The following COPS8 variants were observed in gnomAD, a reference collection of about 807,000 sequenced individuals.
COPS8 encodes COP9 signalosome subunit 8.
COPS8 carries 11 observed loss-of-function variants against 31.5 expected under a neutral mutation model. The observed-to-expected ratio is 0.35, with a 90% confidence interval of 0.22 to 0.58. The LOEUF is 0.58. COPS8 is among the 20% of genes least tolerant of loss of function. The pLI, the probability that COPS8 is intolerant of heterozygous loss-of-function variation, is 0.83. For missense variants in COPS8, 215 were observed against 255.1 expected, an observed-to-expected ratio of 0.84 and a Z score of 1.07; for synonymous variants, 81 against 89.3, an observed-to-expected ratio of 0.91 and a Z score of 0.52.
intron 2 of COPS8, 72 bp downstream of exon 2, chr2:237,087,269 G>A (rs567538843): frequency 3.7e-6 from 4 of 1,067,380 alleles, no homozygotes; most frequent in Admixed American, 2.2e-5. Flanking sequence ...CTGCACTGAA[G>A]TAGCACCACT....
intron 3 of COPS8, among the ~76,000 whole-genome samples, chr2:237,089,370 A>T (rs987465581): frequency 1.3e-5 from 2 of 152,196 alleles, no homozygotes; most frequent in Non-Finnish European, 2.9e-5. Flanking sequence ...ATAAAGAAGT[A>T]CTATAAATCA....
chr2:237,088,666 TA>T lies in COPS8; in HGVS notation c.198+16del. 1.3e-6 allele frequency: 2 copies of T among 1,546,122 alleles called. No individual in the cohort carries two copies. Among genetic ancestry groups the T allele is most frequent in the Non-Finnish European group, 1.8e-6 (2 of 1,127,728 alleles). ...TGCTATAAAATCTGTAAGTATCCTT[TA>T]AACCTATTTTACTGCTTTAATGTAA... On this transcript the variant is annotated intron_variant, in intron 3 of 7. Coordinates refer to ENST00000354371, the MANE Select transcript of COPS8 (RefSeq NM_006710.5).
At chr2:237,086,647 A>G (rs1329328913) in intron 1 of COPS8, 1 of 201,980 alleles carries the variant, frequency 5.0e-6, no homozygotes, top group Non-Finnish European at 8.9e-6. Context: ...GCTCACTAAT[A>G]GATAATAGAT....
intron 7 of COPS8, 148 bp downstream of exon 7, chr2:237,097,017 C>T: frequency 4.5e-6 from 3 of 661,254 alleles, no homozygotes; most frequent in Non-Finnish European, 7.6e-6. Context: ...AGTAATACAT[C>T]TGGTTACAAG....
chr2:237,095,374 T>C (rs1356865639), intron 5 of COPS8, among the ~76,000 whole-genome samples: 1 of 152,132 alleles, frequency 6.6e-6, no homozygotes, highest in Non-Finnish European at 1.5e-5. Flanking sequence ...CTTCATAGAG[T>C]TGTGGTGATT....
intron 4 of COPS8, 84 bp downstream of exon 4, chr2:237,090,078 G>A: frequency 7.6e-7 from 1 of 1,309,536 alleles, no homozygotes; most frequent in South Asian, 1.6e-5. Context: ...AATCAGTGGT[G>A]TGTGTTTAAG....
Position 237,099,761 on chromosome 2 carries a change from A to G in COPS8, c.*2019A>G, listed in dbSNP as rs975802217. 1 of 152,204 alleles carries G rather than the reference A, an allele frequency of 6.6e-6. No homozygotes were observed. The highest frequency in any genetic ancestry group is 2.4e-5 in the African/African-American group (1 of 41,458). 9.4% of individuals were successfully genotyped at this position (152,204 alleles called of 1,614,324 possible). ...TTAAAAGGAATCAGAACTTATTTGCAAAACAGCTAATAGTTCCAGGGCAGT... is the reference window on the plus strand; with the variant it reads ...TTAAAAGGAATCAGAACTTATTTGCGAAACAGCTAATAGTTCCAGGGCAGT... On this transcript the variant is annotated 3_prime_UTR_variant, in exon 8 of 8. Transcript: ENST00000354371.
intron 5 of COPS8, 64 bp downstream of exon 5, chr2:237,094,261 A>G (rs747858218): frequency 7.5e-6 from 11 of 1,458,880 alleles, no homozygotes; most frequent in Non-Finnish European, 1.0e-5. Context: ...TTGTAGGTTC[A>G]CAGTCTCCTC....
intron 6 of COPS8, among the ~76,000 whole-genome samples, chr2:237,096,164 A>G (rs1287758932): frequency 4.6e-5 from 7 of 152,094 alleles, no homozygotes; most frequent in African/African-American, 9.6e-5. Flanking sequence ...TTATGGAGCC[A>G]TTTGTAACTG....
chr2:237,088,307 C>T (rs1270558531), intron 2 of COPS8, among the ~76,000 whole-genome samples: 1 of 152,028 alleles, frequency 6.6e-6, no homozygotes, highest in Admixed American at 6.5e-5. Flanking sequence ...ATAATTTGGG[C>T]CGTCTATAAA....
In COPS8 at chr2:237,088,456, C is replaced by G. The variant is rs191687553; in HGVS notation, c.150-149C>G. On this transcript the variant is annotated intron_variant, in intron 2 of 7. Transcript: ENST00000354371. ...TATCTGGAAAACCACTATTGTTTCCCCAAAACAAATTCATATAAAACTAAA... is the reference window on the plus strand; with the variant it reads ...TATCTGGAAAACCACTATTGTTTCCGCAAAACAAATTCATATAAAACTAAA... The G allele has an allele frequency of 2.6e-3, 1,167 of 454,274 alleles. 1 individual carries two copies. The highest frequency in any genetic ancestry group is 3.4e-3 in the Non-Finnish European group (868 of 255,648). The allele number at this position is 454,274 out of a possible 1,614,324, so 28.1% of individuals were successfully genotyped here.
chr2:237,089,263 A>G (rs1696667614), intron 3 of COPS8, among the ~76,000 whole-genome samples: 2 of 152,216 alleles, frequency 1.3e-5, no homozygotes, highest in African/African-American at 4.8e-5. Flanking sequence ...ATTGATATTC[A>G]TCAAGAGATC....
intron 4 of COPS8, among the ~76,000 whole-genome samples, chr2:237,090,242 G>A (rs1007988709): frequency 1.3e-4 from 20 of 151,938 alleles, no homozygotes; most frequent in African/African-American, 4.4e-4. Flanking sequence ...AGTTTTAAGA[G>A]TTTTTTTTGC....
At position 237,096,982 on chromosome 2, in the gene COPS8, C is replaced by G. The variant is rs115382687; in HGVS notation, c.550+113C>G. ...GTGTATCTATTTCTTACCTTGTAAA[C>G]AGAGGTTAAATTTCATAAATGCGTA... On this transcript the variant is annotated intron_variant, in intron 7 of 7. Transcript: ENST00000354371. The G allele has an allele frequency of 1.7e-3, 1,322 of 761,570 alleles. 9 individuals carry two copies. Among genetic ancestry groups the G allele is most frequent in the African/African-American group, 0.015 (863 of 55,712 alleles). 47.2% of individuals were successfully genotyped at this position (761,570 alleles called of 1,614,324 possible).
In COPS8 at chr2:237,098,883, T is replaced by C. The variant is rs1008627879; in HGVS notation, c.*1141T>C. Reference sequence around the variant, plus strand: ...GGCTATTTCAGTTTTTCTTAACATATATGGGAATACTTTTTGAATTGCAAT... The same window carrying C: ...GGCTATTTCAGTTTTTCTTAACATACATGGGAATACTTTTTGAATTGCAAT... On this transcript the variant is annotated 3_prime_UTR_variant, in exon 8 of 8. Transcript: ENST00000354371. 6.6e-6 allele frequency: 1 copy of C among 152,206 alleles called. No homozygotes were observed. The highest frequency in any genetic ancestry group is 1.5e-5 in the Non-Finnish European group (1 of 68,026). The allele number at this position is 152,206 out of a possible 1,614,324, so 9.4% of individuals were successfully genotyped here.
At chr2:237,094,001 T>A in intron 4 of COPS8, 89 bp from the exon 5 acceptor site, 1 of 1,520,710 alleles carries the variant, frequency 6.6e-7, no homozygotes, top group Admixed American at 2.1e-5. Flanking sequence ...TTATGAAAAC[T>A]AGACAAGGAC....
intron 2 of COPS8, among the ~76,000 whole-genome samples, chr2:237,087,790 G>A (rs1137555): frequency 0.091 from 13,793 of 151,996 alleles, 927 homozygotes; most frequent in African/African-American, 0.19. Flanking sequence ...AAATTAGCTG[G>A]GCATGGTTGC....
rs1286979398 is a variant in COPS8 at position 237,085,986 on chromosome 2, G to A, written c.22G>A (p.Glu8Lys). The stretch of plus-strand genomic sequence containing the variant: ...GAAGATGCCAGTGGCGGTGATGGCG[G>A]AAAGCGCCTTTAGTTTCAAAAAGTT... MPVAVMA[E>K]SAFSFKKLLD... The change falls in exon 1 of 8, where the codon GAA (glutamate) becomes AAA (lysine). Residue 8 changes from glutamate (E) to lysine (K), a missense_variant. Glu to Lys is a moderately conservative substitution (Grantham distance 56). Transcript: ENST00000354371. 2 of 1,612,762 alleles carry A rather than the reference G, an allele frequency of 1.2e-6. No individual in the cohort carries two copies. Among genetic ancestry groups the A allele is most frequent in the Non-Finnish European group, 1.7e-6 (2 of 1,179,248 alleles).
chr2:237,089,026 G>T (rs1696664395), intron 3 of COPS8, among the ~76,000 whole-genome samples: 1 of 152,176 alleles, frequency 6.6e-6, no homozygotes, highest in Non-Finnish European at 1.5e-5. Flanking sequence ...TCGTTTACAA[G>T]AATACTCTAA....
Sources: allele counts gnomAD v4.1 joint callset (sites outside exome capture counted in the v4.1 genomes callset), GRCh38; gene constraint gnomAD v4.1.1; transcripts MANE v1.5; gene names NCBI Gene and HGNC (gene_info 2026-07-23, HGNC 2026-07-21).